Variants in CSMD3 observed in about 807,000 individuals in gnomAD.
CSMD3 encodes the protein CUB and sushi domain-containing protein 3.
In CSMD3, 177 loss-of-function variants were observed where a neutral mutation model predicts 435.2. The ratio of observed to expected loss-of-function variants is 0.41; its 90% CI spans 0.36 to 0.46. CSMD3 has a LOEUF of 0.46. Ranked by LOEUF, CSMD3 falls within the 20% of genes least tolerant of loss-of-function variation. The probability of loss-of-function intolerance (pLI) is 0.34; values close to 1 mark genes in which losing one functional copy is unlikely to be tolerated. For synonymous variants in CSMD3, 1,656 were observed against 1,520.5 expected, an observed-to-expected ratio of 1.09 and a Z score of -2.07; for missense variants, 4,265 against 4,504.6, an observed-to-expected ratio of 0.95 and a Z score of 1.52.
At chr8:113,082,252 C>G (rs1289399398) in intron 5 of CSMD3, among the ~76,000 whole-genome samples, 1 of 152,174 alleles carries the variant, frequency 6.6e-6, no homozygotes, top group African/African-American at 2.4e-5. Flanking sequence ...GGGCCCATCA[C>G]CCCCACTGCT....
chr8:112,532,176 C>T (rs934417314), intron 27 of CSMD3, among the ~76,000 whole-genome samples: 6 of 151,284 alleles, frequency 4.0e-5, no homozygotes, highest in Admixed American at 1.3e-4. Context: ...TTTGAAAATA[C>T]ACAGTCAAAG....
chr8:112,742,947 G>GTGCTT (rs1264368240), intron 13 of CSMD3, among the ~76,000 whole-genome samples: 2 of 151,956 alleles, frequency 1.3e-5, no homozygotes, highest in African/African-American at 4.8e-5. Flanking sequence ...TTTTGGTTTA[G>GTGCTT]TGCTTTTCTG....
chr8:112,655,454 A>G (rs1416483869), intron 18 of CSMD3, among the ~76,000 whole-genome samples: 2 of 152,044 alleles, frequency 1.3e-5, no homozygotes, highest in Non-Finnish European at 2.9e-5. Context: ...CTTATGCAAT[A>G]TAGCCACACA....
intron 1 of CSMD3, among the ~76,000 whole-genome samples, chr8:113,385,487 C>T (rs1487918789): frequency 6.6e-6 from 1 of 152,042 alleles, no homozygotes; most frequent in Non-Finnish European, 1.5e-5. Flanking sequence ...AATGGTGTGC[C>T]AGGTCTCAAC....
chr8:112,868,243 C>T (rs753041227), intron 10 of CSMD3, among the ~76,000 whole-genome samples: 18 of 151,976 alleles, frequency 1.2e-4, no homozygotes, highest in Non-Finnish European at 2.1e-4. Flanking sequence ...GATGACAGTG[C>T]CTTCTCCTAG....
In CSMD3 at chr8:112,555,296, A is replaced by G. The variant is rs146793651; in HGVS notation, c.4234+1467T>C. 3.6e-3 allele frequency among the ~76,000 whole-genome samples: 541 copies of G among 152,108 alleles called. 2 individuals are homozygous for G. Among genetic ancestry groups the G allele is most frequent in the African/African-American group, 0.012 (519 of 41,564 alleles). ...GAGAATATCTTCAGCTTGTTTCAACACACATAAAAATATATATGCTTTTAA... is the reference window on the plus strand; with the variant it reads ...GAGAATATCTTCAGCTTGTTTCAACGCACATAAAAATATATATGCTTTTAA... On this transcript the variant is annotated intron_variant, in intron 25 of 70. Coordinates refer to ENST00000297405, the MANE Select transcript of CSMD3 (RefSeq NM_198123.2).
At chr8:113,390,007 T>C (rs2094454969) in intron 1 of CSMD3, among the ~76,000 whole-genome samples, 1 of 151,844 alleles carries the variant, frequency 6.6e-6, no homozygotes, top group Admixed American at 6.6e-5. Context: ...CTAGACTCCA[T>C]TGTTATACTG....
rs907249499 is a variant in CSMD3, at chr8:112,449,171, C to T, written c.5395+23420G>A. On this transcript the variant is annotated intron_variant, in intron 32 of 70. Coordinates refer to ENST00000297405, the MANE Select transcript of CSMD3 (RefSeq NM_198123.2). ...ATTGGCTTAAGTGAATCAATATTCC[C>T]CATTCACTAGCTTTAGAAGGCAGTT... is the stretch of plus-strand genomic sequence containing the variant. Among the ~76,000 whole-genome samples the T allele has an allele frequency of 2.6e-5, 4 of 152,082 alleles. No homozygotes were observed. The East Asian group carries it at 7.7e-4, about 29-fold the overall frequency.
intron 1 of CSMD3, among the ~76,000 whole-genome samples, chr8:113,339,581 T>C (rs550268737): frequency 1.3e-5 from 2 of 152,150 alleles, no homozygotes; most frequent in African/African-American, 4.8e-5. Context: ...ATTTCTAGTG[T>C]AAACATAAAT....
intron 1 of CSMD3, among the ~76,000 whole-genome samples, chr8:113,329,233 A>AAATAAATAAATAAATAAATAAATAAATG (rs1196514500): frequency 8.6e-5 from 13 of 151,166 alleles, no homozygotes; most frequent in African/African-American, 3.2e-4. Context: ...ATAAATAAAT[A>AAATAAATAAATAAATAAATAAATAAATG]AGGAATTAAC....
intron 23 of CSMD3, among the ~76,000 whole-genome samples, chr8:112,575,531 C>T (rs1230271361): frequency 6.6e-6 from 1 of 152,004 alleles, no homozygotes; most frequent in East Asian, 1.9e-4. Flanking sequence ...TACTAGAGGG[C>T]TGTATACACA....
intron 22 of CSMD3, among the ~76,000 whole-genome samples, chr8:112,636,357 T>C (rs2074656729): frequency 6.6e-6 from 1 of 152,128 alleles, no homozygotes; most frequent in Non-Finnish European, 1.5e-5. Context: ...CTTGTAATCA[T>C]CTTTTATGCA....
chr8:113,176,067 T>C (rs955388759), intron 3 of CSMD3, among the ~76,000 whole-genome samples: 2 of 152,100 alleles, frequency 1.3e-5, no homozygotes, highest in East Asian at 1.9e-4. Context: ...AATAGTAACA[T>C]TGAATGGAAT....
chr8:112,753,042 C>T (rs2077610820), intron 13 of CSMD3, among the ~76,000 whole-genome samples: 3 of 152,006 alleles, frequency 2.0e-5, no homozygotes. Flanking sequence ...CCTCCTGCCT[C>T]AGCCCCCTTA....
chr8:112,612,692 CTCTT>C (rs1288112786), intron 22 of CSMD3, among the ~76,000 whole-genome samples: 4 of 139,706 alleles, frequency 2.9e-5, no homozygotes, highest in Non-Finnish European at 4.6e-5. Flanking sequence ...CATTTCTGAA[CTCTT>C]TCTTTCTTTG....
At chr8:112,661,012 C>T (rs1022488106) in intron 17 of CSMD3, among the ~76,000 whole-genome samples, 2 of 152,074 alleles carry the variant, frequency 1.3e-5, no homozygotes, top group Non-Finnish European at 2.9e-5. Flanking sequence ...ACATTCCTCA[C>T]CCAAGGCCTA....
intron 3 of CSMD3, among the ~76,000 whole-genome samples, chr8:113,216,693 C>T (rs532141170): frequency 6.6e-5 from 10 of 151,954 alleles, no homozygotes; most frequent in African/African-American, 2.4e-4. Context: ...AAAGTGATAC[C>T]TACTTTTATC....
At chr8:113,177,801 A>T (rs191697775) in intron 3 of CSMD3, among the ~76,000 whole-genome samples, 162 of 152,134 alleles carry the variant, frequency 1.1e-3, no homozygotes, top group African/African-American at 3.7e-3. Context: ...TATTTTATTT[A>T]TCTTCTCTTC....
chr8:113,364,922 C>T (rs1316388256), intron 1 of CSMD3, among the ~76,000 whole-genome samples: 1 of 151,938 alleles, frequency 6.6e-6, no homozygotes, highest in Non-Finnish European at 1.5e-5. Flanking sequence ...AAGAATTTAG[C>T]TATTTACTCT....
Sources: allele counts gnomAD v4.1 joint callset (sites outside exome capture counted in the v4.1 genomes callset), GRCh38; gene constraint gnomAD v4.1.1; transcripts MANE v1.5; gene names NCBI Gene and HGNC (gene_info 2026-07-23, HGNC 2026-07-21).